Variants in MAX observed in about 807,000 individuals in gnomAD.
MAX encodes protein max.
In MAX, 3 loss-of-function variants were observed where a neutral mutation model predicts 22.3. The observed-to-expected ratio is 0.13, with a 90% CI of 0.06 to 0.35. The LOEUF is 0.35. Among genes scored for constraint, MAX ranks in the 10% least tolerant of loss-of-function variants. MAX has a pLI of 1.00. For synonymous variants in MAX, 72 were observed against 77.7 expected, an observed-to-expected ratio of 0.93 and a Z score of 0.39; for missense variants, 119 against 209.4, an observed-to-expected ratio of 0.57 and a Z score of 2.66.
rs2062067057 is a variant in MAX, at chr14:65,030,831, GGA to G, written c.172-24549_172-24548del. Among the ~76,000 whole-genome samples the G allele has an allele frequency of 6.6e-6, 1 of 152,128 alleles. No homozygotes were observed. Among genetic ancestry groups the G allele is most frequent in the African/African-American group, 2.4e-5 (1 of 41,430 alleles). On this transcript the variant is annotated intron_variant, in intron 3 of 3. Transcript: ENST00000341653. The surrounding 1 kb of genome is among the most constrained non-coding windows in gnomAD (Gnocchi z 4.5). ...CTTTTTGTTTGTTTTGTTTTGAGATGGAGTTTCTTTCTGTTGCCCAGGCAGGA... is the reference window on the plus strand; with the variant it reads ...CTTTTTGTTTGTTTTGTTTTGAGATGGTTTCTTTCTGTTGCCCAGGCAGGA...
At position 65,032,012 on chromosome 14, in the gene MAX, G is replaced by GTGTGTGTGTGTGTGTGTA. The variant is rs1183866852; in HGVS notation, c.172-25729_172-25728insTACACACACACACACACA. On this transcript the variant is annotated intron_variant, in intron 3 of 3. Transcript: ENST00000341653. This position sits in a 1 kb window ranked among gnomAD's most constrained non-coding sequence, Gnocchi z 5.0. ...TGTGTGTGTGTGTGTGTGTGTGTGT[G>GTGTGTGTGTGTGTGTGTA]TGTGTGTACTGGTGAGAGGTTTGAA... 6.6e-6 allele frequency among the ~76,000 whole-genome samples: 1 copy of GTGTGTGTGTGTGTGTGTA among 151,746 alleles called. No individual in the cohort carries two copies. The highest frequency in any genetic ancestry group is 6.6e-5 in the Admixed American group (1 of 15,234).
In MAX at chr14:65,047,613, A is replaced by G. The variant is rs981248145; in HGVS notation, c.172-41329T>C. Among the ~76,000 whole-genome samples the G allele has an allele frequency of 1.3e-5, 2 of 152,220 alleles. No homozygotes were observed. The highest frequency in any genetic ancestry group is 2.9e-5 in the Non-Finnish European group (2 of 68,042). On this transcript the variant is annotated intron_variant, in intron 3 of 3. Transcript: ENST00000341653. The surrounding 1 kb of genome is among the most constrained non-coding windows in gnomAD (Gnocchi z 5.2). ...TTTGGAGGGCAGTTTGGAGACATCCATTTAAATTATAAGGGCACTTACCCT... is the reference window on the plus strand; with the variant it reads ...TTTGGAGGGCAGTTTGGAGACATCCGTTTAAATTATAAGGGCACTTACCCT...
chr14:65,007,579 A>G lies in MAX; in HGVS notation c.172-1295T>C, dbSNP rs1010932153. Among the ~76,000 whole-genome samples, 1 of 152,152 alleles carries G rather than the reference A, an allele frequency of 6.6e-6. No individual in the cohort carries two copies. Among genetic ancestry groups the G allele is most frequent in the Admixed American group, 6.5e-5 (1 of 15,282 alleles). ...TTCTATACTTAATCCCCTTCCCAGA[A>G]ATGATTTTCTTCTCTAAGGTTGGGA... On this transcript the variant is annotated intron_variant, in intron 3 of 3. Transcript: ENST00000341653. This position sits in a 1 kb window ranked among gnomAD's most constrained non-coding sequence, Gnocchi z 4.9.
At position 65,036,273 on chromosome 14, in the gene MAX, G is replaced by A. The variant is rs547256015; in HGVS notation, c.172-29989C>T. ...ATTTTTTGAAAGAGGGTCTCACTTC[G>A]TCACCCAGGCTGGAGTGCAGTGGCG... On this transcript the variant is annotated intron_variant, in intron 3 of 3. Coordinates refer to the MAX transcript ENST00000341653. Among the ~76,000 whole-genome samples, 20 of 152,020 alleles carry A rather than the reference G, an allele frequency of 1.3e-4. No individual in the cohort carries two copies. The South Asian group carries it at 2.9e-3, about 22-fold the overall frequency.
intron 3 of MAX, among the ~76,000 whole-genome samples, chr14:65,050,538 CTGAGA>C: frequency 6.6e-6 from 1 of 152,180 alleles, no homozygotes; most frequent in East Asian, 1.9e-4. Context: ...TTGCAGTGAG[CTGAGA>C]TCACACCACT....
chr14:65,070,953 G>T (rs2062981867), downstream of MAX, among the ~76,000 whole-genome samples: 1 of 152,082 alleles, frequency 6.6e-6, no homozygotes. The surrounding 1 kb of genome is among the most constrained non-coding windows in gnomAD (Gnocchi z 4.4). Context: ...AGCCTGCAAG[G>T]GTATATTTCA....
chr14:65,078,510 CTGTTGTTGT>C lies in MAX; in HGVS notation c.172-483_172-475del, dbSNP rs1251966714. ...ACAGGTGTGAGCCACTGCGCCCAGC[CTGTTGTTGT>C]TGTTGTTGTTGTTGTTTTTTTTTTT... On this transcript the variant is annotated intron_variant, in intron 3 of 4. Coordinates refer to ENST00000358664, the MANE Select transcript of MAX (RefSeq NM_002382.5). The surrounding 1 kb of genome is among the most constrained non-coding windows in gnomAD (Gnocchi z 6.4). Among the ~76,000 whole-genome samples, 34 of 148,310 alleles carry C rather than the reference CTGTTGTTGT, an allele frequency of 2.3e-4. No individual in the cohort carries two copies. Among genetic ancestry groups the C allele is most frequent in the Non-Finnish European group, 4.2e-4 (28 of 67,302 alleles).
At position 65,069,884 on chromosome 14, in the gene MAX, A is replaced by C. The variant is rs2062968114; in HGVS notation, c.171+23824T>G. ...AAGTCTCCTACAGCCTTGCTGCAGT[A>C]GGTATTCGCTGTGGACATGACATTC... On this transcript the variant is annotated intron_variant, in intron 3 of 3. Transcript: ENST00000341653. The surrounding 1 kb of genome is among the most constrained non-coding windows in gnomAD (Gnocchi z 4.6). 6.6e-6 allele frequency among the ~76,000 whole-genome samples: 1 copy of C among 152,234 alleles called. No homozygotes were observed. Among genetic ancestry groups the C allele is most frequent in the East Asian group, 1.9e-4 (1 of 5,196 alleles).
chr14:65,053,720 A>G (rs940276653), intron 3 of MAX, among the ~76,000 whole-genome samples: 3 of 152,142 alleles, frequency 2.0e-5, no homozygotes, highest in African/African-American at 4.8e-5. Flanking sequence ...CATGACAACT[A>G]TTATAGAGTG....
rs1454894674 is a variant in MAX at position 65,011,156 on chromosome 14, C to A, written c.172-4872G>T. Reference sequence around the variant, plus strand: ...TAAAGACTACATGAAGGGCTGGGTGCGGTGGCTCACGCCTGTAATCCCAGC... The same window carrying A: ...TAAAGACTACATGAAGGGCTGGGTGAGGTGGCTCACGCCTGTAATCCCAGC... On this transcript the variant is annotated intron_variant, in intron 3 of 3. Coordinates refer to the MAX transcript ENST00000341653. The surrounding 1 kb of genome is among the most constrained non-coding windows in gnomAD (Gnocchi z 4.0). Among the ~76,000 whole-genome samples the A allele has an allele frequency of 6.6e-6, 1 of 152,132 alleles. No homozygotes were observed. The highest frequency in any genetic ancestry group is 1.5e-5 in the Non-Finnish European group (1 of 68,038).
intron 3 of MAX, among the ~76,000 whole-genome samples, chr14:65,065,153 T>C (rs1461970707): frequency 6.6e-6 from 1 of 152,194 alleles, no homozygotes; most frequent in Non-Finnish European, 1.5e-5. Context: ...AAAGCAGCTC[T>C]TTCCTATTAG....
intron 3 of MAX, among the ~76,000 whole-genome samples, chr14:65,085,799 A>G (rs185700464): frequency 6.6e-6 from 1 of 152,210 alleles, no homozygotes; most frequent in Non-Finnish European, 1.5e-5. Flanking sequence ...GGAACCCCCA[A>G]GTCACCTGGG....
rs78098664 is a variant in MAX at position 65,040,043 on chromosome 14, G to A, written c.172-33759C>T. On this transcript the variant is annotated intron_variant, in intron 3 of 3. Coordinates refer to the MAX transcript ENST00000341653. ...ATCTCTACAAAAAATACAAAAAATG[G>A]TCCGGGTATGGTGGGGCACGCCCAT... 6.8e-3 allele frequency among the ~76,000 whole-genome samples: 1,027 copies of A among 151,976 alleles called. 12 individuals carry two copies. Among genetic ancestry groups the A allele is most frequent in the African/African-American group, 0.023 (946 of 41,432 alleles).
intron 2 of MAX, among the ~76,000 whole-genome samples, chr14:65,099,150 A>G (rs2063754987): frequency 6.6e-6 from 1 of 152,116 alleles, no homozygotes; most frequent in Non-Finnish European, 1.5e-5. Flanking sequence ...CACAGAGGGG[A>G]AAAAATGGAA....
intron 3 of MAX, among the ~76,000 whole-genome samples, chr14:65,018,289 C>T (rs2061818403): frequency 6.6e-6 from 1 of 152,154 alleles, no homozygotes; most frequent in African/African-American, 2.4e-5. Context: ...ATGATGGCAC[C>T]ACTGCATTCC....
chr14:65,052,460 C>A (rs2062637859), intron 3 of MAX, among the ~76,000 whole-genome samples: 1 of 152,134 alleles, frequency 6.6e-6, no homozygotes. Context: ...AGTGTACATC[C>A]TATATGTATA....
Position 65,027,736 on chromosome 14 carries a change from C to A in MAX, c.172-21452G>T, listed in dbSNP as rs370588586. ...CAGTATTTGTACTCCCTGAAGCAAC[C>A]TGACGGCTCCTTTCTCATGCATGTC... On this transcript the variant is annotated intron_variant, in intron 3 of 3. Coordinates refer to the MAX transcript ENST00000341653. This position sits in a 1 kb window ranked among gnomAD's most constrained non-coding sequence, Gnocchi z 5.7. 1 of 1,614,076 alleles carries A rather than the reference C, an allele frequency of 6.2e-7. No individual in the cohort carries two copies. Among genetic ancestry groups the A allele is most frequent in the African/African-American group, 1.3e-5 (1 of 74,910 alleles).
Position 65,078,861 on chromosome 14 carries a change from T to C in MAX, c.172-825A>G, listed in dbSNP as rs2063132910. On this transcript the variant is annotated intron_variant, in intron 3 of 4. Coordinates refer to ENST00000358664, the MANE Select transcript of MAX (RefSeq NM_002382.5). This position sits in a 1 kb window ranked among gnomAD's most constrained non-coding sequence, Gnocchi z 6.4. ...TCTTTGTGACATACAAGGTGCCAAG[T>C]GCTTTACAGAGCTTAACTCACAAGA... 6.6e-6 allele frequency among the ~76,000 whole-genome samples: 1 copy of C among 152,222 alleles called. No homozygotes were observed. Among genetic ancestry groups the C allele is most frequent in the South Asian group, 2.1e-4 (1 of 4,832 alleles).
In MAX at chr14:65,032,807, A is replaced by T; in HGVS notation, c.172-26523T>A. 1 of 1,031,464 alleles carries T rather than the reference A, an allele frequency of 9.7e-7. No homozygotes were observed. Among genetic ancestry groups the T allele is most frequent in the South Asian group, 1.7e-5 (1 of 58,020 alleles). The allele number at this position is 1,031,464 out of a possible 1,614,324, so 63.9% of individuals were successfully genotyped here. On this transcript the variant is annotated intron_variant, in intron 3 of 3. Transcript: ENST00000341653. This position sits in a 1 kb window ranked among gnomAD's most constrained non-coding sequence, Gnocchi z 5.0. Reference sequence around the variant, plus strand: ...ACTTGGAAGGAAATACAAAAATCACAGGAGATCCATTAGGGTTATCTAATG... The same window carrying T: ...ACTTGGAAGGAAATACAAAAATCACTGGAGATCCATTAGGGTTATCTAATG...
Sources: gnomAD v4.1 joint callset for allele counts (sites outside exome capture counted in the v4.1 genomes callset) on GRCh38, gnomAD v4.1.1 for gene constraint, Gnocchi (gnomAD v3.1) non-coding constraint, MANE v1.5 for transcripts, NCBI Gene and HGNC (gene_info 2026-07-23, HGNC 2026-07-21) for gene names.